Variants in ARHGEF3 observed in about 807,000 individuals in gnomAD.
ARHGEF3 encodes Rho guanine nucleotide exchange factor 3, also known as 59.8 kDA protein.
ARHGEF3 carries 28 observed loss-of-function variants against 63.2 expected under a neutral mutation model. The observed-to-expected ratio is 0.44, with a 90% confidence interval of 0.33 to 0.61. The LOEUF is 0.61. Among genes scored for constraint, ARHGEF3 ranks in the 20% least tolerant of loss-of-function variants. The pLI is 0.03. For synonymous variants in ARHGEF3, 266 were observed against 254.2 expected (o/e 1.05, Z -0.44); for missense variants, 533 against 659.3 (o/e 0.81, Z 2.10).
At position 57,074,188 on chromosome 3, in the gene ARHGEF3, A is replaced by C. The variant is rs773776146; in HGVS notation, c.-28+5038T>G. The C allele has an allele frequency of 1.3e-5, 21 of 1,614,144 alleles. No homozygotes were observed. The South Asian group carries it at 2.2e-4, about 17-fold the overall frequency. Reference sequence around the variant, plus strand: ...AGCACAGGGTGCAGCCGTTCAAACCAACTGACATTTACTGAGGGCTGCTTT... The same window carrying C: ...AGCACAGGGTGCAGCCGTTCAAACCCACTGACATTTACTGAGGGCTGCTTT... On this transcript the variant is annotated intron_variant, in intron 1 of 12. Transcript: ENST00000338458.
intron 4 of ARHGEF3, among the ~76,000 whole-genome samples, chr3:56,873,909 T>G (rs2040509151): frequency 6.6e-6 from 1 of 152,142 alleles, no homozygotes; most frequent in African/African-American, 2.4e-5. Context: ...CAAGGTCACT[T>G]TGAAGGGGAA....
At chr3:57,054,141 G>C (rs748502689) in intron 1 of ARHGEF3, among the ~76,000 whole-genome samples, 2 of 152,168 alleles carry the variant, frequency 1.3e-5, no homozygotes, top group Non-Finnish European at 2.9e-5. Context: ...GTGAGTTCCA[G>C]TTGCACCATA....
intron 1 of ARHGEF3, among the ~76,000 whole-genome samples, chr3:57,036,686 GC>G (rs1347593304): frequency 6.6e-6 from 1 of 152,204 alleles, no homozygotes; most frequent in Non-Finnish European, 1.5e-5. Context: ...AACTGGCTGT[GC>G]AGATCATACT....
chr3:57,041,146 C>T (rs1274955886), intron 1 of ARHGEF3, among the ~76,000 whole-genome samples: 1 of 152,218 alleles, frequency 6.6e-6, no homozygotes, highest in East Asian at 1.9e-4. Flanking sequence ...AGGTCTTGCA[C>T]ATTCCATTCT....
intron 2 of ARHGEF3, among the ~76,000 whole-genome samples, chr3:56,988,133 T>C (rs1255272069): frequency 6.6e-6 from 1 of 151,970 alleles, no homozygotes; most frequent in African/African-American, 2.4e-5. Flanking sequence ...TTTTCTTTGG[T>C]TTTGTGTTTT....
intron 2 of ARHGEF3, among the ~76,000 whole-genome samples, chr3:56,987,138 A>G (rs886932052): frequency 2.0e-5 from 3 of 152,182 alleles, no homozygotes; most frequent in Non-Finnish European, 4.4e-5. Flanking sequence ...TTTGAGCCCA[A>G]GAGGTCAAAG....
intron 2 of ARHGEF3, among the ~76,000 whole-genome samples, chr3:56,761,658 G>A (rs1246658630): frequency 6.6e-6 from 1 of 152,106 alleles, no homozygotes; most frequent in Admixed American, 6.5e-5. Flanking sequence ...TGTGAGGGGA[G>A]CTTTAGAGCC....
chr3:56,883,773 G>A (rs2040841406), intron 3 of ARHGEF3, among the ~76,000 whole-genome samples: 1 of 152,132 alleles, frequency 6.6e-6, no homozygotes. Flanking sequence ...GCTACCAGAA[G>A]ACCAGAATCA....
At chr3:56,752,533 T>A (rs1021332631) in intron 4 of ARHGEF3, among the ~76,000 whole-genome samples, 1 of 152,144 alleles carries the variant, frequency 6.6e-6, no homozygotes, top group Non-Finnish European at 1.5e-5. Context: ...AAGAATAAAC[T>A]GAGATTTGAG....
intron 3 of ARHGEF3, among the ~76,000 whole-genome samples, chr3:56,910,539 T>G (rs1263112668): frequency 6.6e-6 from 1 of 152,190 alleles, no homozygotes. Context: ...TTATAATATG[T>G]TTTAGGAAAC....
intron 4 of ARHGEF3, among the ~76,000 whole-genome samples, chr3:56,838,595 C>T (rs2039201213): frequency 2.6e-5 from 4 of 152,176 alleles, no homozygotes; most frequent in African/African-American, 7.2e-5. Context: ...CAGTTAGCAG[C>T]TGCAGTTTAG....
chr3:57,029,851 A>C (rs1234146970), intron 2 of ARHGEF3, among the ~76,000 whole-genome samples: 1 of 152,068 alleles, frequency 6.6e-6, no homozygotes, highest in East Asian at 1.9e-4. Flanking sequence ...GCTCTCCCTT[A>C]TGTTGGGTTT....
At chr3:56,934,572 T>C (rs2042501149) in intron 3 of ARHGEF3, among the ~76,000 whole-genome samples, 1 of 152,198 alleles carries the variant, frequency 6.6e-6, no homozygotes, top group Admixed American at 6.5e-5. Flanking sequence ...AGCTGCCGGC[T>C]CTGCCAGCCC....
intron 3 of ARHGEF3, among the ~76,000 whole-genome samples, chr3:56,931,089 A>G (rs1313722496): frequency 6.6e-6 from 1 of 152,222 alleles, no homozygotes; most frequent in Non-Finnish European, 1.5e-5. Flanking sequence ...ATTTGTACCA[A>G]TTCTGTAGAC....
At chr3:56,981,545 A>C (rs894386005) in intron 2 of ARHGEF3, among the ~76,000 whole-genome samples, 2 of 152,242 alleles carry the variant, frequency 1.3e-5, no homozygotes, top group African/African-American at 4.8e-5. Context: ...AAAACAAAAA[A>C]AAACTTCTAC....
intron 2 of ARHGEF3, among the ~76,000 whole-genome samples, chr3:57,002,479 T>TTATATATATATATATATATATATATGATA (rs1159985048): frequency 2.5e-5 from 1 of 39,472 alleles, no homozygotes; most frequent in Non-Finnish European, 4.1e-5. Flanking sequence ...TATATATATG[T>TTATATATATATATATATATATATATGATA]TATATATATA....
At chr3:57,054,704 T>C (rs1704833845) in intron 1 of ARHGEF3, among the ~76,000 whole-genome samples, 1 of 149,380 alleles carries the variant, frequency 6.7e-6, no homozygotes, top group Non-Finnish European at 1.5e-5. Flanking sequence ...AGTGCAGTAG[T>C]GCAGTGGCGC....
intron 1 of ARHGEF3, among the ~76,000 whole-genome samples, chr3:56,795,381 G>GA (rs201263583): frequency 0.011 from 1,722 of 151,648 alleles, 24 homozygotes; most frequent in African/African-American, 0.039. Flanking sequence ...TAAATCCTCA[G>GA]AAAAAAAGAG....
intron 3 of ARHGEF3, among the ~76,000 whole-genome samples, chr3:56,942,131 G>A (rs1401617116): frequency 1.3e-5 from 2 of 152,178 alleles, no homozygotes; most frequent in Non-Finnish European, 2.9e-5. Flanking sequence ...ACATTCCAAA[G>A]GCTAACAAAT....
Sources: allele counts gnomAD v4.1 joint callset (sites outside exome capture counted in the v4.1 genomes callset), GRCh38; gene constraint gnomAD v4.1.1; transcripts MANE v1.5; gene names NCBI Gene and HGNC (gene_info 2026-07-23, HGNC 2026-07-21).